PADI1: variants seen among roughly 807,000 people sequenced by gnomAD.
The protein encoded by PADI1 is peptidyl arginine deiminase 1, also known as protein-arginine deiminase type-1.
A neutral mutation model predicts 74.8 loss-of-function variants in PADI1; 65 were observed. The ratio of observed to expected loss-of-function variants is 0.87; its 90% CI spans 0.71 to 1.07. The LOEUF (loss-of-function observed/expected upper bound fraction) is 1.07. Among genes scored for constraint, PADI1 ranks in the 50% least tolerant of loss-of-function variants. The pLI is 0.00. For missense variants in PADI1, 943 were observed against 854.0 expected, an observed-to-expected ratio of 1.10 and a Z score of -1.30; for synonymous variants, 371 against 336.2, an observed-to-expected ratio of 1.10 and a Z score of -1.13.
intron 1 of PADI1, among the ~76,000 whole-genome samples, chr1:17,207,068 C>T (rs533067620): frequency 2.0e-5 from 3 of 152,218 alleles, no homozygotes; most frequent in African/African-American, 7.2e-5. Flanking sequence ...CCTTGCAGGC[C>T]CCCTTCTTCT....
chr1:17,216,488 G>A (rs539528775), intron 1 of PADI1, among the ~76,000 whole-genome samples: 3 of 152,186 alleles, frequency 2.0e-5, no homozygotes, highest in Non-Finnish European at 4.4e-5. Context: ...ACAGACTTGC[G>A]GTGGGTTGGG....
At chr1:17,220,141 T>G in intron 1 of PADI1, among the ~76,000 whole-genome samples, 2 of 127,398 alleles carry the variant, frequency 1.6e-5, no homozygotes, top group African/African-American at 6.2e-5. Flanking sequence ...ATGGGGGAGG[T>G]GGGTCTTGCC....
chr1:17,226,208 C>G, intron 6 of PADI1, 50 bp downstream of exon 6: 3 of 1,585,598 alleles, frequency 1.9e-6, no homozygotes, highest in Non-Finnish European at 2.6e-6. Flanking sequence ...CATATCTATC[C>G]TCTCCTCCCC....
intron 1 of PADI1, among the ~76,000 whole-genome samples, chr1:17,212,059 T>G (rs2071845982): frequency 6.6e-6 from 1 of 152,208 alleles, no homozygotes; most frequent in Admixed American, 6.5e-5. Flanking sequence ...GAGCCCTGTG[T>G]GCCCCAGGGA....
At chr1:17,215,385 T>C (rs1557452805) in intron 1 of PADI1, among the ~76,000 whole-genome samples, 1 of 130,030 alleles carries the variant, frequency 7.7e-6, no homozygotes, top group Non-Finnish European at 1.6e-5. Context: ...TCTTTCATCA[T>C]CATCATCATC....
Position 17,205,209 on chromosome 1 carries a change from G to T in PADI1, c.-9G>T. ...GGCTGATCTAGGAGGCTGGGAGCCA[G>T]GTGACAGGATGGCCCCAAAGAGAGT... is the stretch of plus-strand genomic sequence containing the variant. On this transcript the variant is annotated 5_prime_UTR_variant, in exon 1 of 16. The change creates a new upstream start codon in the 5' untranslated region. Coordinates refer to ENST00000375471, the MANE Select transcript of PADI1 (RefSeq NM_013358.3). The T allele has an allele frequency of 6.2e-7, 1 of 1,613,076 alleles. No individual in the cohort carries two copies. Among genetic ancestry groups the T allele is most frequent in the Non-Finnish European group, 8.5e-7 (1 of 1,179,140 alleles).
At position 17,207,852 on chromosome 1, in the gene PADI1, A is replaced by G. The variant is rs1200557334; in HGVS notation, c.92+2543A>G. On this transcript the variant is annotated intron_variant, in intron 1 of 15. Transcript: ENST00000375471. ...GTTGGTGGTGACTATGGTCATAGCT[A>G]CTGAGAGCCTCCAAACTAGGACACA... Among the ~76,000 whole-genome samples the G allele has an allele frequency of 2.6e-5, 4 of 152,334 alleles. No homozygotes were observed. In the East Asian group the frequency reaches 7.7e-4, roughly 29 times the overall value.
In PADI1 at chr1:17,244,273, C is replaced by A. The variant is rs2072837803; in HGVS notation, c.*30C>A. The A allele has an allele frequency of 6.5e-7, 1 of 1,545,726 alleles. No individual in the cohort carries two copies. The highest frequency in any genetic ancestry group is 8.9e-7 in the Non-Finnish European group (1 of 1,117,590). On this transcript the variant is annotated 3_prime_UTR_variant, in exon 16 of 16. Coordinates refer to ENST00000375471, the MANE Select transcript of PADI1 (RefSeq NM_013358.3). ...GCCCCCACCCGCCATCCTCTCTGCC[C>A]TCTTGCTAGGGAACCCTGCCAGGGT...
chr1:17,225,541 G>A (rs922987262), intron 4 of PADI1, among the ~76,000 whole-genome samples: 3 of 152,074 alleles, frequency 2.0e-5, no homozygotes, highest in African/African-American at 7.2e-5. Flanking sequence ...CCATTTCTTG[G>A]TGTGGTAATG....
Position 17,226,118 on chromosome 1 carries a change from C to A in PADI1, c.612C>A (p.Pro204=). The change falls in exon 6 of 16, where the codon CCC becomes CCA. Residue 204 remains proline, a synonymous_variant. Transcript: ENST00000375471. ...FDSHKLVLNV[P]FSDSKRVRVF... ...GCCACAAGCTTGTCTTGAACGTGCC[C>A]TTTTCTGATTCCAAAAGAGTGAGGG... The A allele has an allele frequency of 6.2e-7, 1 of 1,614,198 alleles. No individual in the cohort carries two copies. The highest frequency in any genetic ancestry group is 1.1e-5 in the South Asian group (1 of 91,080).
intron 1 of PADI1, among the ~76,000 whole-genome samples, chr1:17,216,043 C>T (rs566334710): frequency 1.6e-4 from 25 of 151,692 alleles, no homozygotes; most frequent in Middle Eastern, 3.4e-3. Flanking sequence ...CTGGGCGGAC[C>T]GCAGGGATTG....
intron 1 of PADI1, among the ~76,000 whole-genome samples, chr1:17,206,351 C>T (rs1042891135): frequency 2.0e-5 from 3 of 152,208 alleles, no homozygotes; most frequent in Admixed American, 1.3e-4. Context: ...GAAGCCCTTC[C>T]TGCTTCTCTG....
chr1:17,214,504 G>T (rs1046635485), intron 1 of PADI1, among the ~76,000 whole-genome samples: 1 of 152,132 alleles, frequency 6.6e-6, no homozygotes, highest in Non-Finnish European at 1.5e-5. Flanking sequence ...ATTTGGAGGG[G>T]TGCTTTCAAA....
At chr1:17,226,846 G>A (rs943618388) in intron 6 of PADI1, among the ~76,000 whole-genome samples, 2 of 151,926 alleles carry the variant, frequency 1.3e-5, no homozygotes, top group African/African-American at 2.4e-5. Context: ...TCAGGAGATC[G>A]AGAACATCCT....
chr1:17,241,397 C>A (rs1222219053), intron 15 of PADI1, among the ~76,000 whole-genome samples: 1 of 152,278 alleles, frequency 6.6e-6, no homozygotes, highest in Non-Finnish European at 1.5e-5. Context: ...TGGGGATAGA[C>A]CCTCTTTCTT....
rs1303194103 is a variant in PADI1 at position 17,232,877 on chromosome 1, A to T, written c.1220A>T (p.Asp407Val). The change falls in exon 11 of 16, where the codon GAC becomes GTC. Residue 407 changes from aspartate (D) to valine (V), a missense_variant. By Grantham distance (152) the Asp-to-Val change is radical. Transcript: ENST00000375471. ...CCGCTCCCTGGTCCCTCCAGCCTTGACTCCTTCGGCAACCTGGACGTCAGC... is the reference window on the plus strand; with the variant it reads ...CCGCTCCCTGGTCCCTCCAGCCTTGTCTCCTTCGGCAACCTGGACGTCAGC... ...EIPLPGPSSL[D>V]SFGNLDVSPP... The T allele has an allele frequency of 1.2e-6, 2 of 1,610,364 alleles. No individual in the cohort carries two copies. Among genetic ancestry groups the T allele is most frequent in the East Asian group, 2.2e-5 (1 of 44,610 alleles).
intron 10 of PADI1, among the ~76,000 whole-genome samples, chr1:17,231,828 G>A (rs1342309508): frequency 6.6e-6 from 1 of 151,518 alleles, no homozygotes; most frequent in Non-Finnish European, 1.5e-5. Flanking sequence ...GTGCCATGTT[G>A]GTGTGCTGCA....
chr1:17,223,601 CT>C lies in PADI1; in HGVS notation c.274-18del. 2 of 1,606,596 alleles carry C rather than the reference CT, an allele frequency of 1.2e-6. No homozygotes were observed. Among genetic ancestry groups the C allele is most frequent in the Non-Finnish European group, 1.7e-6 (2 of 1,173,278 alleles). On this transcript the variant is annotated intron_variant, in intron 2 of 15. Coordinates refer to ENST00000375471, the MANE Select transcript of PADI1 (RefSeq NM_013358.3). ...TCTCTGAAGGTGATGGCCGTGCAGG[CT>C]TAGGGCTATGTTCTGCAGGTGAGGG...
chr1:17,215,676 C>T (rs200699631), intron 1 of PADI1, among the ~76,000 whole-genome samples: 3 of 152,190 alleles, frequency 2.0e-5, no homozygotes, highest in Non-Finnish European at 4.4e-5. Context: ...TCAGCCACCT[C>T]CCCGCTGGGC....
Sources: gnomAD v4.1 joint callset for allele counts (sites outside exome capture counted in the v4.1 genomes callset) on GRCh38, gnomAD v4.1.1 for gene constraint, MANE v1.5 for transcripts, NCBI Gene and HGNC (gene_info 2026-07-23, HGNC 2026-07-21) for gene names.